Variants in RANBP2 observed in about 807,000 individuals in gnomAD.
The protein encoded by RANBP2 is RAN binding protein 2, also known as E3 SUMO-protein ligase RanBP2.
RANBP2 carries 57 observed loss-of-function variants against 303.6 expected under a neutral mutation model. The ratio of observed to expected loss-of-function variants is 0.19; its 90% CI spans 0.15 to 0.23. The LOEUF (loss-of-function observed/expected upper bound fraction) is 0.23, where lower values mean the gene tolerates loss of function less well. Ranked by LOEUF, RANBP2 falls within the 10% of genes least tolerant of loss-of-function variation. RANBP2 has a pLI of 1.00. For synonymous variants in RANBP2, 1,167 were observed against 1,301.5 expected (o/e 0.90, Z 2.23); for missense variants, 3,138 against 3,780.8 (o/e 0.83, Z 4.46).
At chr2:108,997,459 A>AAGAAAAAAG in the RANBP2 span, among the ~76,000 whole-genome samples, 1 of 131,370 alleles carries the variant, frequency 7.6e-6, no homozygotes, top group Non-Finnish European at 1.5e-5. Context: ...AAAAAAAAAA[A>AAGAAAAAAG]AAAAGATGAT....
the RANBP2 span, among the ~76,000 whole-genome samples, chr2:108,824,006 A>G: frequency 1.3e-5 from 2 of 152,038 alleles, no homozygotes; most frequent in African/African-American, 4.8e-5. Flanking sequence ...TGGGGGGTAC[A>G]CCTGAATAGA....
At chr2:109,290,485 C>T in the RANBP2 span, among the ~76,000 whole-genome samples, 2 of 152,230 alleles carry the variant, frequency 1.3e-5, no homozygotes, top group South Asian at 4.1e-4. Flanking sequence ...TATTCTATAG[C>T]GCCCAACTTC....
At chr2:109,661,936 A>G in the RANBP2 span, among the ~76,000 whole-genome samples, 1 of 152,080 alleles carries the variant, frequency 6.6e-6, no homozygotes, top group Non-Finnish European at 1.5e-5. Flanking sequence ...ATCTTCCAGT[A>G]AGTTTTTGGT....
the RANBP2 span, among the ~76,000 whole-genome samples, chr2:109,085,178 C>T: frequency 6.6e-6 from 1 of 152,200 alleles, no homozygotes; most frequent in Non-Finnish European, 1.5e-5. Flanking sequence ...TGAGCCCATT[C>T]CCGTTTGAGA....
the RANBP2 span, among the ~76,000 whole-genome samples, chr2:108,823,415 C>CA: frequency 2.1e-3 from 318 of 152,298 alleles, 2 homozygotes; most frequent in Admixed American, 2.0e-3. Flanking sequence ...TTCAACAGTA[C>CA]AGTCATGTGT....
intron 23 of RANBP2, among the ~76,000 whole-genome samples, chr2:108,774,008 A>C (rs1268268637): frequency 6.6e-6 from 1 of 152,218 alleles, no homozygotes; most frequent in Admixed American, 6.5e-5. Context: ...AAAAGATTGT[A>C]TATTTGTTAC....
the RANBP2 span, among the ~76,000 whole-genome samples, chr2:109,259,273 G>A: frequency 6.6e-6 from 1 of 152,182 alleles, no homozygotes; most frequent in Admixed American, 6.5e-5. Context: ...AGCTGCTGCT[G>A]GCTCCTGAAC....
chr2:108,775,999 A>G (rs1220634920), intron 24 of RANBP2, 63 bp downstream of exon 24: 24 of 1,435,370 alleles, frequency 1.7e-5, no homozygotes, highest in Non-Finnish European at 2.2e-5. Flanking sequence ...GAGAAGATAG[A>G]CTTTTAAAGG....
the RANBP2 span, among the ~76,000 whole-genome samples, chr2:109,273,725 G>A: frequency 1.3e-5 from 2 of 152,190 alleles, no homozygotes; most frequent in Non-Finnish European, 2.9e-5. Flanking sequence ...TTGCAGGGTA[G>A]GAGTCACATT....
the RANBP2 span, among the ~76,000 whole-genome samples, chr2:109,105,449 C>T: frequency 6.6e-6 from 1 of 152,198 alleles, no homozygotes. Flanking sequence ...TGTAGACAAC[C>T]CCAAGTTGAG....
chr2:108,966,434 C>A, the RANBP2 span, among the ~76,000 whole-genome samples: 3 of 152,238 alleles, frequency 2.0e-5, no homozygotes, highest in East Asian at 1.9e-4. Context: ...TGGAGTGACT[C>A]CTCACAGGGC....
the RANBP2 span, among the ~76,000 whole-genome samples, chr2:109,607,879 C>A: frequency 6.6e-5 from 10 of 152,070 alleles, no homozygotes; most frequent in African/African-American, 2.4e-4. Context: ...CTGGAGGTAT[C>A]TATACTTTTA....
chr2:108,732,987 C>T (rs1293233230), intron 4 of RANBP2, among the ~76,000 whole-genome samples: 1 of 152,064 alleles, frequency 6.6e-6, no homozygotes, highest in Admixed American at 6.6e-5. Context: ...CCATGTCCCG[C>T]TTATTTTTGT....
chr2:109,412,100 C>CA, the RANBP2 span, among the ~76,000 whole-genome samples: 1 of 152,242 alleles, frequency 6.6e-6, no homozygotes, highest in African/African-American at 2.4e-5. Context: ...ACGTTGGACT[C>CA]ACGCAGGGCA....
chr2:109,448,787 G>T, the RANBP2 span, among the ~76,000 whole-genome samples: 3 of 152,200 alleles, frequency 2.0e-5, no homozygotes, highest in African/African-American at 7.2e-5. Context: ...GCCTCAGTCT[G>T]TGGAAAAATT....
the RANBP2 span, among the ~76,000 whole-genome samples, chr2:108,974,751 C>T: frequency 6.6e-6 from 1 of 152,120 alleles, no homozygotes; most frequent in Admixed American, 6.5e-5. Context: ...GATACTATTC[C>T]CATTTTTCAG....
the RANBP2 span, among the ~76,000 whole-genome samples, chr2:109,688,928 A>G: frequency 6.9e-6 from 1 of 144,450 alleles, no homozygotes; most frequent in Admixed American, 6.9e-5. Context: ...TCCTTTTTTA[A>G]GACGGAGTTT....
At position 108,749,035 on chromosome 2, in the gene RANBP2, G is replaced by C; in HGVS notation, c.1179G>C (p.Gln393His). 1 of 1,611,884 alleles carries C rather than the reference G, an allele frequency of 6.2e-7. No homozygotes were observed. The highest frequency in any genetic ancestry group is 8.5e-7 in the Non-Finnish European group (1 of 1,179,846). ...TATATGATGCTCTGTTTTCTAGTCA[G>C]TCACCTAAGGATACATCTTTTCTTG... ...SALYDALFSS[Q>H]SPKDTSFLGS... is the part of the protein sequence containing the mutation. The change falls in exon 9 of 29, where the codon CAG becomes CAC. Residue 393 changes from glutamine to histidine, a missense_variant. Gln to His is a conservative substitution (Grantham distance 24). This residue lies in a region of RANBP2 where 95 missense variants were observed against 86.4 expected (regional missense o/e 1.10). Transcript: ENST00000283195.
chr2:109,181,309 G>A, the RANBP2 span, among the ~76,000 whole-genome samples: 1 of 152,328 alleles, frequency 6.6e-6, no homozygotes, highest in South Asian at 2.1e-4. Context: ...TGGTACATTT[G>A]TCAAAACTAA....
Sources: gnomAD v4.1 joint callset for allele counts (sites outside exome capture counted in the v4.1 genomes callset) on GRCh38, gnomAD v4.1.1 for gene constraint, gnomAD v4.1.1 regional missense constraint, MANE v1.5 for transcripts, NCBI Gene and HGNC (gene_info 2026-07-23, HGNC 2026-07-21) for gene names.